Variants in SMAP1 observed in about 807,000 individuals in gnomAD.
The protein encoded by SMAP1 is small ArfGAP 1, also known as stromal membrane-associated protein 1.
A neutral mutation model predicts 58.5 loss-of-function variants in SMAP1; 24 were observed. The ratio of observed to expected loss-of-function variants is 0.41; its 90% CI spans 0.30 to 0.58. The LOEUF is 0.58. Ranked by LOEUF, SMAP1 falls within the 20% of genes least tolerant of loss-of-function variation. The probability of loss-of-function intolerance (pLI) is 0.29; values close to 1 mark genes in which losing one functional copy is unlikely to be tolerated. For missense variants in SMAP1, 563 were observed against 566.3 expected (o/e 0.99, Z 0.06); for synonymous variants, 216 against 196.6 (o/e 1.10, Z -0.82).
At chr6:70,673,726 T>C (rs2128548156) in intron 1 of SMAP1, among the ~76,000 whole-genome samples, 1 of 152,352 alleles carries the variant, frequency 6.6e-6, no homozygotes, top group Non-Finnish European at 1.5e-5. Flanking sequence ...AACTTCAGTC[T>C]GATGGGTCTG....
Position 70,755,042 on chromosome 6 carries a change from C to T in SMAP1, c.315C>T (p.Asn105=), listed in dbSNP as rs763413333. The change falls in exon 3 of 11, where the codon AAC becomes AAT. Residue 105 remains asparagine (N), a synonymous_variant. Coordinates refer to ENST00000370455, the MANE Select transcript of SMAP1 (RefSeq NM_001044305.3). The part of the protein sequence containing the change: ...RLLYEANLPE[N]FRRPQTDQAV... ...TCTATGAAGCCAATCTTCCAGAGAA[C>T]TTTCGAAGACCACAGACAGATCAGT... 3.1e-6 allele frequency: 5 copies of T among 1,610,158 alleles called. No homozygotes were observed. In the African/African-American group the frequency reaches 6.7e-5, roughly 22 times the overall value.
At chr6:70,841,406 G>A (rs558234111) in intron 7 of SMAP1, among the ~76,000 whole-genome samples, 1 of 152,196 alleles carries the variant, frequency 6.6e-6, no homozygotes, top group South Asian at 2.1e-4. Flanking sequence ...CTGTCTGGGG[G>A]GACCGCATCC....
chr6:70,751,461 A>C (rs1327117437), intron 2 of SMAP1, among the ~76,000 whole-genome samples: 2 of 152,296 alleles, frequency 1.3e-5, no homozygotes, highest in East Asian at 3.9e-4. Context: ...GATGAAGTAT[A>C]GTTTAATGAG....
intron 6 of SMAP1, among the ~76,000 whole-genome samples, chr6:70,812,141 C>T (rs925698551): frequency 1.3e-5 from 2 of 152,060 alleles, no homozygotes; most frequent in African/African-American, 4.8e-5. Context: ...GAAAGCAAAA[C>T]GTTAGGTAAG....
intron 1 of SMAP1, among the ~76,000 whole-genome samples, chr6:70,727,973 G>C (rs762218289): frequency 1.3e-5 from 2 of 152,092 alleles, no homozygotes; most frequent in Non-Finnish European, 2.9e-5. Context: ...TGAGGTGGGA[G>C]GATCACTTGA....
intron 2 of SMAP1, among the ~76,000 whole-genome samples, chr6:70,747,603 C>A (rs539099653): frequency 5.5e-4 from 83 of 152,234 alleles, no homozygotes; most frequent in African/African-American, 2.0e-3. Context: ...ATTGAGGAGT[C>A]AGAATAACCA....
At position 70,836,972 on chromosome 6, in the gene SMAP1, A is replaced by C. The variant is rs1477765924; in HGVS notation, c.608A>C (p.Lys203Thr). 1 of 1,602,994 alleles carries C rather than the reference A, an allele frequency of 6.2e-7. No individual in the cohort carries two copies. Among genetic ancestry groups the C allele is most frequent in the African/African-American group, 1.3e-5 (1 of 74,454 alleles). ...AAGAAAGATCAGCAACTGGAGCCTA[A>C]AAAAAGTACCAGCCCTAAAAAAGCT... The part of the protein sequence containing the change: ...LQKKDQQLEP[K>T]KSTSPKKAAE... The change falls in exon 7 of 11, where the codon AAA becomes ACA. Residue 203 changes from lysine (K) to threonine (T), a missense_variant. Around this residue, in one of 3 missense-constraint regions of SMAP1, gnomAD observed 494 missense variants for 473.8 expected, o/e 1.04. Transcript: ENST00000370455.
At chr6:70,762,568 C>T (rs1325920309) in intron 3 of SMAP1, among the ~76,000 whole-genome samples, 1 of 152,134 alleles carries the variant, frequency 6.6e-6, no homozygotes, top group Non-Finnish European at 1.5e-5. Flanking sequence ...AAAGATATAG[C>T]ATGTTTTCCA....
chr6:70,817,045 A>T (rs527600493), intron 6 of SMAP1, among the ~76,000 whole-genome samples: 86 of 151,558 alleles, frequency 5.7e-4, no homozygotes, highest in African/African-American at 2.0e-3. Context: ...CCCACTTCCA[A>T]TCGGTAGATT....
intron 1 of SMAP1, among the ~76,000 whole-genome samples, chr6:70,686,440 C>T (rs1048964789): frequency 1.3e-5 from 2 of 152,110 alleles, no homozygotes; most frequent in African/African-American, 4.8e-5. Flanking sequence ...GTAAATGGCC[C>T]TTGAAATAAG....
At chr6:70,797,807 T>C (rs1768670026) in intron 5 of SMAP1, among the ~76,000 whole-genome samples, 1 of 152,082 alleles carries the variant, frequency 6.6e-6, no homozygotes, top group Non-Finnish European at 1.5e-5. Flanking sequence ...TTTTCTTTTT[T>C]TGCTGCCAGG....
At chr6:70,844,602 A>G (rs905461011) in intron 7 of SMAP1, among the ~76,000 whole-genome samples, 24 of 152,356 alleles carry the variant, frequency 1.6e-4, no homozygotes, top group Non-Finnish European at 2.9e-5. Context: ...CCTAAATACT[A>G]TTTAACTGTA....
At chr6:70,695,599 T>C (rs1255011651) in intron 1 of SMAP1, among the ~76,000 whole-genome samples, 1 of 152,244 alleles carries the variant, frequency 6.6e-6, no homozygotes, top group African/African-American at 2.4e-5. Flanking sequence ...TTAATTTGCA[T>C]ATGTTGAACT....
intron 3 of SMAP1, among the ~76,000 whole-genome samples, chr6:70,758,508 C>T (rs1461871984): frequency 6.6e-6 from 1 of 151,654 alleles, no homozygotes; most frequent in African/African-American, 2.4e-5. Context: ...TACCCTAAAA[C>T]TTAAAGTATA....
At chr6:70,825,357 A>C (rs535227353) in intron 6 of SMAP1, among the ~76,000 whole-genome samples, 244 of 151,674 alleles carry the variant, frequency 1.6e-3, no homozygotes, top group Non-Finnish European at 2.1e-3. Flanking sequence ...GGGGTTAAAA[A>C]CTCAGGTGTT....
chr6:70,840,249 A>C (rs1309395555), intron 7 of SMAP1, among the ~76,000 whole-genome samples: 1 of 152,186 alleles, frequency 6.6e-6, no homozygotes, highest in Non-Finnish European at 1.5e-5. Context: ...ACAGTTTCAT[A>C]ATAGCCTAAT....
intron 6 of SMAP1, among the ~76,000 whole-genome samples, chr6:70,803,945 G>A (rs189306988): frequency 6.6e-6 from 1 of 152,200 alleles, no homozygotes; most frequent in Non-Finnish European, 1.5e-5. Context: ...GTGATGTGCT[G>A]AGAAGAATGT....
At chr6:70,814,567 T>TTTTA (rs1769534431) in intron 6 of SMAP1, among the ~76,000 whole-genome samples, 1 of 152,164 alleles carries the variant, frequency 6.6e-6, no homozygotes, top group East Asian at 1.9e-4. Flanking sequence ...CTGTGCTGTG[T>TTTTA]TTTACATCCT....
intron 1 of SMAP1, among the ~76,000 whole-genome samples, chr6:70,688,366 TA>T (rs1160399229): frequency 1.3e-5 from 2 of 152,178 alleles, no homozygotes; most frequent in East Asian, 3.8e-4. Context: ...CTTAGATCCA[TA>T]AAAAAAGTGC....
Sources: gnomAD v4.1 joint callset for allele counts (sites outside exome capture counted in the v4.1 genomes callset) on GRCh38, gnomAD v4.1.1 for gene constraint, gnomAD v4.1.1 regional missense constraint, MANE v1.5 for transcripts, NCBI Gene and HGNC (gene_info 2026-07-23, HGNC 2026-07-21) for gene names.